Variants in RGS20 observed in about 807,000 individuals in gnomAD.
RGS20 encodes regulator of G protein signaling 20, also known as gz-selective GTPase-activating protein.
A neutral mutation model predicts 33.6 loss-of-function variants in RGS20; 30 were observed. The observed-to-expected ratio is 0.89, with a 90% CI of 0.67 to 1.21. The LOEUF is 1.21. Ranked by LOEUF, RGS20 falls within the 50% of genes most tolerant of loss-of-function variation. The probability of loss-of-function intolerance (pLI) is 0.00; values close to 1 mark genes in which losing one functional copy is unlikely to be tolerated. For synonymous variants in RGS20, 208 were observed against 197.9 expected (o/e 1.05, Z -0.43); for missense variants, 472 against 502.4 (o/e 0.94, Z 0.58).
intron 2 of RGS20, among the ~76,000 whole-genome samples, chr8:53,914,479 G>A (rs1813430071): frequency 1.3e-5 from 2 of 152,084 alleles, no homozygotes; most frequent in South Asian, 2.1e-4. Context: ...GATATTTGCT[G>A]TCACCTTTTA....
At chr8:53,936,170 T>C (rs1485579469) in intron 2 of RGS20, among the ~76,000 whole-genome samples, 1 of 152,158 alleles carries the variant, frequency 6.6e-6, no homozygotes, top group Non-Finnish European at 1.5e-5. Flanking sequence ...CTGGAAGCAT[T>C]CCCTTTGAAA....
intron 2 of RGS20, among the ~76,000 whole-genome samples, chr8:53,914,233 G>A (rs1585916176): frequency 6.6e-6 from 1 of 152,098 alleles, no homozygotes; most frequent in Non-Finnish European, 1.5e-5. Context: ...GTCATGCAAT[G>A]TTGCCTGGGC....
intron 2 of RGS20, chr8:53,881,058 C>G (rs753168902): frequency 3.9e-6 from 6 of 1,552,076 alleles, no homozygotes; most frequent in Non-Finnish European, 3.4e-6. Context: ...GGCTTCCTCC[C>G]CGGCCGGCAG....
At chr8:53,946,473 T>C (rs1814480915) in intron 3 of RGS20, 192 bp from the exon 3 acceptor site, 1 of 652,904 alleles carries the variant, frequency 1.5e-6, no homozygotes, top group Admixed American at 2.4e-5. Context: ...ACAACGTTTA[T>C]TTATATTTCT....
Position 53,879,452 on chromosome 8 carries a change from C to T in RGS20, c.360C>T (p.His120=), listed in dbSNP as rs1483584761. The T allele has an allele frequency of 7.5e-6, 12 of 1,598,100 alleles. No homozygotes were observed. Among genetic ancestry groups the T allele is most frequent in the Non-Finnish European group, 9.4e-6 (11 of 1,173,678 alleles). Residue 120 remains histidine, a synonymous_variant, in exon 2 of 6, where the codon CAC becomes CAT. Transcript: ENST00000297313. ...CGGCCGCCCGGCTCTCGAGGGGGCA[C>T]GAGGAGCTGCCGGGCCGCCTCTCGC... is the stretch of plus-strand genomic sequence containing the variant.
chr8:53,902,206 A>G (rs1394703046), intron 2 of RGS20, among the ~76,000 whole-genome samples: 1 of 152,062 alleles, frequency 6.6e-6, no homozygotes, highest in East Asian at 1.9e-4. Context: ...TTGTAGAGAC[A>G]GGGTTTTGCC....
chr8:53,931,533 C>A (rs1458812706), intron 2 of RGS20, among the ~76,000 whole-genome samples: 2 of 151,500 alleles, frequency 1.3e-5, no homozygotes, highest in African/African-American at 4.8e-5. Flanking sequence ...CCAGCCTGGG[C>A]AACAAGAGCA....
intron 3 of RGS20, among the ~76,000 whole-genome samples, chr8:53,941,639 A>G (rs1011732361): frequency 3.3e-5 from 5 of 152,254 alleles, no homozygotes; most frequent in African/African-American, 9.6e-5. Context: ...ATTTTCTTTC[A>G]AAAGTAATGT....
chr8:53,938,588 T>C (rs1814200492), intron 2 of RGS20, among the ~76,000 whole-genome samples: 2 of 152,158 alleles, frequency 1.3e-5, no homozygotes, highest in African/African-American at 4.8e-5. Context: ...TCCAGCAGTA[T>C]AGAGAATTAG....
At chr8:53,922,384 T>C (rs770715284) in intron 2 of RGS20, among the ~76,000 whole-genome samples, 1 of 152,180 alleles carries the variant, frequency 6.6e-6, no homozygotes, top group Non-Finnish European at 1.5e-5. Flanking sequence ...TTCTATCTAT[T>C]TGCATTTTTG....
At chr8:53,859,897 C>T (rs1159668672) in intron 1 of RGS20, among the ~76,000 whole-genome samples, 1 of 152,134 alleles carries the variant, frequency 6.6e-6, no homozygotes, top group African/African-American at 2.4e-5. Context: ...CCCACCCCCA[C>T]TATTCAGTTA....
rs932793543 is a variant in RGS20, at chr8:53,877,527, G to A, written c.166-1731G>A. Among the ~76,000 whole-genome samples, 1 of 152,220 alleles carries A rather than the reference G, an allele frequency of 6.6e-6. No individual in the cohort carries two copies. The highest frequency in any genetic ancestry group is 6.5e-5 in the Admixed American group (1 of 15,290). On this transcript the variant is annotated intron_variant, in intron 1 of 5. Coordinates refer to ENST00000297313, the MANE Select transcript of RGS20 (RefSeq NM_170587.4). This position sits in a 1 kb window ranked among gnomAD's most constrained non-coding sequence, Gnocchi z 5.7. ...ACGCTCAGCAGCTCGTTCCCTGGGC[G>A]CCAAGACCGATTTCCAAGTCGCCCA...
chr8:53,950,611 T>C (rs530962895), intron 4 of RGS20, among the ~76,000 whole-genome samples: 1 of 151,808 alleles, frequency 6.6e-6, no homozygotes, highest in South Asian at 2.1e-4. Flanking sequence ...GAATTGACAT[T>C]AATGTTTTGT....
chr8:53,944,888 A>G (rs1274204952), intron 3 of RGS20, among the ~76,000 whole-genome samples: 2 of 152,356 alleles, frequency 1.3e-5, no homozygotes, highest in East Asian at 3.9e-4. Context: ...AGTCATTAGC[A>G]AGATGCAAAT....
chr8:53,890,695 A>C (rs1237490350), intron 2 of RGS20, among the ~76,000 whole-genome samples: 3 of 152,150 alleles, frequency 2.0e-5, no homozygotes, highest in African/African-American at 7.2e-5. Context: ...AATGGAGTAC[A>C]TTGGCACCAT....
chr8:53,940,598 A>G (rs1373499133), intron 3 of RGS20, among the ~76,000 whole-genome samples: 1 of 152,204 alleles, frequency 6.6e-6, no homozygotes, highest in African/African-American at 2.4e-5. Flanking sequence ...TGAAAATGAA[A>G]TGCCCGGGGA....
At chr8:53,857,314 C>T (rs970558173) in intron 1 of RGS20, among the ~76,000 whole-genome samples, 1 of 152,224 alleles carries the variant, frequency 6.6e-6, no homozygotes, top group Non-Finnish European at 1.5e-5. Context: ...GGGGATGTGG[C>T]TCCACAGGCC....
intron 4 of RGS20, among the ~76,000 whole-genome samples, chr8:53,951,783 G>A (rs1048937395): frequency 1.5e-4 from 23 of 151,956 alleles, no homozygotes; most frequent in African/African-American, 4.1e-4. Context: ...TTGGGAGGCC[G>A]AGGCAGGCGG....
At chr8:53,875,987 T>C (rs1023848032) in intron 1 of RGS20, among the ~76,000 whole-genome samples, 8 of 152,364 alleles carry the variant, frequency 5.3e-5, no homozygotes, top group Admixed American at 2.6e-4. Context: ...AAGATTTGCC[T>C]TTATAGTTTT....
Sources: allele counts gnomAD v4.1 joint callset (sites outside exome capture counted in the v4.1 genomes callset), GRCh38; gene constraint gnomAD v4.1.1; non-coding constraint Gnocchi (gnomAD v3.1); transcripts MANE v1.5; gene names NCBI Gene and HGNC (gene_info 2026-07-23, HGNC 2026-07-21).